Variants in IL21R observed in about 807,000 individuals in gnomAD.
IL21R encodes interleukin-21 receptor.
Under a neutral mutation model 41.3 loss-of-function variants are expected in IL21R, and 14 were observed. That is an observed-to-expected ratio of 0.34 (90% CI 0.22 to 0.53). The LOEUF is 0.53. IL21R is among the 20% of genes least tolerant of loss of function. The probability of loss-of-function intolerance (pLI) is 0.94; values close to 1 mark genes in which losing one functional copy is unlikely to be tolerated. For synonymous variants in IL21R, 286 were observed against 287.6 expected, an observed-to-expected ratio of 0.99 and a Z score of 0.05; for missense variants, 588 against 681.6, an observed-to-expected ratio of 0.86 and a Z score of 1.53.
chr16:27,440,248 T>TAGAG (rs1217071764), intron 4 of IL21R, among the ~76,000 whole-genome samples: 1,825 of 63,946 alleles, frequency 0.029, 47 homozygotes, highest in Admixed American at 0.034. Flanking sequence ...TATATATATA[T>TAGAG]AGAGAGAGAG....
Position 27,449,039 on chromosome 16 carries a change from A to G in IL21R, c.1373A>G (p.Asp458Gly), listed in dbSNP as rs1336422223. The G allele has an allele frequency of 1.2e-6, 2 of 1,612,228 alleles. No individual in the cohort carries two copies. The highest frequency in any genetic ancestry group is 2.2e-5 in the South Asian group (2 of 91,036). Residue 458 changes from aspartate (D) to glycine (G), a missense_variant, in exon 9 of 9, where the codon GAC becomes GGC. Asp to Gly is a moderately conservative substitution (Grantham distance 94, BLOSUM62 -1). Coordinates refer to ENST00000337929, the MANE Select transcript of IL21R (RefSeq NM_181078.3). Reference protein sequence around the residue: ...RLKPPLADGEDWAGGLPWGGR... With the variant: ...RLKPPLADGEGWAGGLPWGGR... The stretch of plus-strand genomic sequence containing the variant: ...AAGCCACCCCTTGCAGATGGGGAGG[A>G]CTGGGCTGGGGGACTGCCCTGGGGT...
rs1367841334 is a variant in IL21R at position 27,449,894 on chromosome 16, G to A, written c.*611G>A. ...TTGGGCGGCCCCTGGACGAAGGTCT[G>A]AATCCCGACTCTGATACCTTCTGGC... On this transcript the variant is annotated 3_prime_UTR_variant, in exon 9 of 9. Transcript: ENST00000337929. 1 of 233,938 alleles carries A rather than the reference G, an allele frequency of 4.3e-6. No individual in the cohort carries two copies. Among genetic ancestry groups the A allele is most frequent in the Non-Finnish European group, 8.4e-6 (1 of 118,622 alleles). The allele number at this position is 233,938 out of a possible 1,614,324, so 14.5% of individuals were successfully genotyped here.
chr16:27,405,797 T>C (rs4787958), intron 1 of IL21R, among the ~76,000 whole-genome samples: 44,840 of 151,650 alleles, frequency 0.3, 6,880 homozygotes, highest in African/African-American at 0.36. Flanking sequence ...CTGAGTAAAC[T>C]TGGAACTTCT....
chr16:27,419,740 T>A (rs2086968775), intron 1 of IL21R, among the ~76,000 whole-genome samples: 1 of 151,968 alleles, frequency 6.6e-6, no homozygotes, highest in Non-Finnish European at 1.5e-5. Flanking sequence ...CATTTTTTTT[T>A]AAGTAAGTAC....
chr16:27,416,713 C>G (rs987112367), intron 1 of IL21R, among the ~76,000 whole-genome samples: 4 of 152,194 alleles, frequency 2.6e-5, no homozygotes, highest in Admixed American at 1.3e-4. Context: ...GTCATCACCA[C>G]TAACTCTATA....
chr16:27,404,186 CT>C (rs2086704033), intron 1 of IL21R, among the ~76,000 whole-genome samples: 1 of 152,174 alleles, frequency 6.6e-6, no homozygotes, highest in African/African-American at 2.4e-5. Flanking sequence ...AGCGATGCCC[CT>C]GTCCTGCCCG....
intron 1 of IL21R, among the ~76,000 whole-genome samples, chr16:27,418,909 T>C (rs868863172): frequency 0.033 from 441 of 13,244 alleles, no homozygotes; most frequent in Non-Finnish European, 0.08. Context: ...TTAAAAAAAT[T>C]TTTTTTTGTT....
At chr16:27,413,851 C>T (rs1445562345) in intron 1 of IL21R, among the ~76,000 whole-genome samples, 1 of 151,550 alleles carries the variant, frequency 6.6e-6, no homozygotes, top group Admixed American at 6.6e-5. Flanking sequence ...CTTAGTTTAA[C>T]TAAGGGTTTG....
At chr16:27,421,274 T>G (rs2086995152) in intron 1 of IL21R, among the ~76,000 whole-genome samples, 1 of 151,360 alleles carries the variant, frequency 6.6e-6, no homozygotes, top group African/African-American at 2.4e-5. Context: ...TCAAAACCTT[T>G]TTGGCTATTC....
rs1274462152 is a variant in IL21R at position 27,444,734 on chromosome 16, G to A, written c.685+15G>A. ...CCAGTCAGAGGGTAGGTGTGAAGCT[G>A]GGATGGACACCCCACTCCTGGTATC... is the stretch of plus-strand genomic sequence containing the variant. On this transcript the variant is annotated intron_variant, in intron 6 of 8. Coordinates refer to ENST00000337929, the MANE Select transcript of IL21R (RefSeq NM_181078.3). 6.8e-6 allele frequency: 10 copies of A among 1,474,224 alleles called. No homozygotes were observed. Among genetic ancestry groups the A allele is most frequent in the Non-Finnish European group, 8.1e-6 (9 of 1,111,146 alleles). 91.3% of individuals were successfully genotyped at this position (1,474,224 alleles called of 1,614,324 possible).
intron 3 of IL21R, among the ~76,000 whole-genome samples, chr16:27,434,938 T>G (rs2087242271): frequency 6.6e-6 from 1 of 152,144 alleles, no homozygotes; most frequent in South Asian, 2.1e-4. Context: ...AAGAAGAGCT[T>G]CTGTTATCCA....
chr16:27,426,812 C>A (rs2087085015), intron 1 of IL21R, among the ~76,000 whole-genome samples: 1 of 152,156 alleles, frequency 6.6e-6, no homozygotes, highest in African/African-American at 2.4e-5. Flanking sequence ...AATTCTGAGC[C>A]CTTTTCTCAA....
chr16:27,405,408 T>C (rs2141253613), intron 1 of IL21R, among the ~76,000 whole-genome samples: 1 of 152,328 alleles, frequency 6.6e-6, no homozygotes, highest in East Asian at 1.9e-4. Context: ...TAAATATTAT[T>C]GGTCATATTG....
In IL21R at chr16:27,449,520, C is replaced by T. The variant is rs57456215; in HGVS notation, c.*237C>T. 1.2e-3 allele frequency: 658 copies of T among 560,404 alleles called. 2 individuals carry two copies. The highest frequency in any genetic ancestry group is 0.011 in the African/African-American group (606 of 53,376). The allele number at this position is 560,404 out of a possible 1,614,324, so 34.7% of individuals were successfully genotyped here. ...ATGTCCACGTGTGTGTGTGATTGCA[C>T]GTGCCTGTGGGCCTGGGATAATGCC... On this transcript the variant is annotated 3_prime_UTR_variant, in exon 9 of 9. Coordinates refer to ENST00000337929, the MANE Select transcript of IL21R (RefSeq NM_181078.3).
rs1004167875 is a variant in IL21R at position 27,451,294 on chromosome 16, C to T, written c.*2011C>T. 3 of 228,736 alleles carry T rather than the reference C, an allele frequency of 1.3e-5. No individual in the cohort carries two copies. Among genetic ancestry groups the T allele is most frequent in the African/African-American group, 2.2e-5 (1 of 45,002 alleles). The allele number at this position is 228,736 out of a possible 1,614,324, so 14.2% of individuals were successfully genotyped here. ...CCTGCACCCAGAGCTTGCTGGGTGG[C>T]GGAGGGGAACACAGATGGTTGGGGA... is the stretch of plus-strand genomic sequence containing the variant. On this transcript the variant is annotated 3_prime_UTR_variant, in exon 9 of 9. Coordinates refer to ENST00000337929, the MANE Select transcript of IL21R (RefSeq NM_181078.3).
chr16:27,449,436 A>G lies in IL21R; in HGVS notation c.*153A>G, dbSNP rs2087551044. 9.6e-6 allele frequency: 7 copies of G among 725,594 alleles called. No homozygotes were observed. The highest frequency in any genetic ancestry group is 1.3e-5 in the Non-Finnish European group (6 of 452,990). The allele number at this position is 725,594 out of a possible 1,614,324, so 44.9% of individuals were successfully genotyped here. A position where few individuals can be genotyped will look rare whatever the true frequency, so the allele number is the denominator to read the frequency against. On this transcript the variant is annotated 3_prime_UTR_variant, in exon 9 of 9. Coordinates refer to ENST00000337929, the MANE Select transcript of IL21R (RefSeq NM_181078.3). The stretch of plus-strand genomic sequence containing the variant: ...TTACAGTGTCTGTGTGTGTGTGTGC[A>G]TATGTGTGTGTGTGCATATGCATGT...
intron 1 of IL21R, among the ~76,000 whole-genome samples, chr16:27,421,340 A>G: frequency 6.6e-6 from 1 of 150,678 alleles, no homozygotes; most frequent in Non-Finnish European, 1.5e-5. Flanking sequence ...TTCTGCAAAA[A>G]AAAAAAAAAA....
intron 2 of IL21R, among the ~76,000 whole-genome samples, chr16:27,433,039 C>T (rs1202397624): frequency 3.3e-5 from 5 of 152,198 alleles, no homozygotes; most frequent in African/African-American, 1.2e-4. Context: ...TATTTCCAGA[C>T]ACAGTATTCT....
At chr16:27,419,012 C>T (rs888568510) in intron 1 of IL21R, among the ~76,000 whole-genome samples, 1 of 151,882 alleles carries the variant, frequency 6.6e-6, no homozygotes, top group Non-Finnish European at 1.5e-5. Flanking sequence ...ATCAGGAATT[C>T]GAGACCAGCC....
Sources: allele counts gnomAD v4.1 joint callset (sites outside exome capture counted in the v4.1 genomes callset), GRCh38; gene constraint gnomAD v4.1.1; transcripts MANE v1.5; gene names NCBI Gene and HGNC (gene_info 2026-07-23, HGNC 2026-07-21).